The following TDRD9 variants were observed in gnomAD, a reference collection of about 807,000 sequenced individuals.
TDRD9 encodes the protein tudor domain containing 9, also known as ATP-dependent RNA helicase TDRD9.
A neutral mutation model predicts 172.6 loss-of-function variants in TDRD9; 124 were observed. The ratio of observed to expected loss-of-function variants is 0.72; its 90% CI spans 0.62 to 0.83. TDRD9 has a LOEUF of 0.83. TDRD9 is among the 40% of genes least tolerant of loss of function. The pLI is 0.00. For synonymous variants in TDRD9, 619 were observed against 617.1 expected, an observed-to-expected ratio of 1.00 and a Z score of -0.05; for missense variants, 1,479 against 1,714.1, an observed-to-expected ratio of 0.86 and a Z score of 2.42.
intron 1 of TDRD9, chr14:103,941,689 G>T (rs1453209459): frequency 1.3e-5 from 19 of 1,512,510 alleles, no homozygotes; most frequent in Non-Finnish European, 1.7e-5. Context: ...CAGCCAAAAA[G>T]TGGCATTTTT....
At chr14:103,996,073 C>T (rs919226587) in intron 12 of TDRD9, among the ~76,000 whole-genome samples, 8 of 152,120 alleles carry the variant, frequency 5.3e-5, no homozygotes, top group African/African-American at 1.7e-4. Flanking sequence ...GAAACAGCTT[C>T]GGGGCTGCCA....
chr14:103,969,098 T>TAA (rs551879850), intron 5 of TDRD9, among the ~76,000 whole-genome samples: 5 of 91,770 alleles, frequency 5.4e-5, no homozygotes, highest in Admixed American at 1.1e-4. Flanking sequence ...AGACTCTGTG[T>TAA]AAAAAAAAAA....
intron 34 of TDRD9, among the ~76,000 whole-genome samples, chr14:104,045,460 T>C (rs2035744284): frequency 2.0e-5 from 3 of 152,120 alleles, no homozygotes; most frequent in Admixed American, 2.0e-4. Flanking sequence ...CTTTTCATTA[T>C]TGAGTTGTAG....
intron 23 of TDRD9, among the ~76,000 whole-genome samples, chr14:104,021,357 A>G (rs955460500): frequency 6.6e-6 from 1 of 152,116 alleles, no homozygotes; most frequent in Admixed American, 6.6e-5. Context: ...ATCACTTGGC[A>G]ATCAATTTAT....
Position 103,998,687 on chromosome 14 carries a change from G to C in TDRD9, c.1442G>C (p.Arg481Pro). 1 of 1,611,056 alleles carries C rather than the reference G, an allele frequency of 6.2e-7. No homozygotes were observed. Among genetic ancestry groups the C allele is most frequent in the Non-Finnish European group, 8.5e-7 (1 of 1,177,320 alleles). The part of the protein sequence containing the change: ...CDEDTNYQSL[R>P]LSWASKTSCN... ...GAAGATACAAATTATCAGAGTCTGC[G>C]ATTGAGTTGGGCTTCTAAAACCAGC... The change falls in exon 13 of 36, where the codon CGA (arginine) becomes CCA (proline). Residue 481 changes from arginine to proline, a missense_variant. Arg to Pro is a moderately radical substitution (Grantham distance 103). Around this residue, in one of 3 missense-constraint regions of TDRD9, gnomAD observed 1,413 missense variants for 1,649.1 expected, o/e 0.86. Transcript: ENST00000409874.
chr14:103,995,758 G>A lies in TDRD9; in HGVS notation c.1329G>A (p.Leu443=), dbSNP rs776659312. ...TCTTTGATGTTTAACAGATTATTCT[G>A]TCCACCAATATTGCAGAGAGTTCTG... ...SPVPGYRKII[L]STNIAESSVT... Residue 443 remains leucine, a synonymous_variant, in exon 12 of 36, where the codon CTG becomes CTA. Coordinates refer to ENST00000409874, the MANE Select transcript of TDRD9 (RefSeq NM_153046.3). 3 of 1,606,674 alleles carry A rather than the reference G, an allele frequency of 1.9e-6. No individual in the cohort carries two copies. In the African/African-American group the frequency reaches 4.0e-5, roughly 22 times the overall value.
intron 24 of TDRD9, 112 bp downstream of exon 24, chr14:104,022,442 G>C: frequency 2.5e-6 from 3 of 1,179,846 alleles, no homozygotes; most frequent in Non-Finnish European, 3.6e-6. Context: ...AAAAGCACTG[G>C]CTTGGCTGGG....
intron 20 of TDRD9, among the ~76,000 whole-genome samples, chr14:104,013,367 A>C (rs747602390): frequency 1.4e-4 from 21 of 152,158 alleles, no homozygotes; most frequent in African/African-American, 3.1e-4. Context: ...GCCATAGGTC[A>C]CTTACTTTGT....
In TDRD9 at chr14:104,052,310, T is replaced by A. The variant is rs2035957766; in HGVS notation, c.*228T>A. 2.9e-6 allele frequency: 1 copy of A among 342,078 alleles called. No individual in the cohort carries two copies. Among genetic ancestry groups the A allele is most frequent in the African/African-American group, 2.1e-5 (1 of 48,210 alleles). The allele number at this position is 342,078 out of a possible 1,614,324, so 21.2% of individuals were successfully genotyped here. ...TCTAGTCTTTTCTAGAAACAGAAAA[T>A]CACTGTATTAAATATTTTGGAAAGA... On this transcript the variant is annotated 3_prime_UTR_variant, in exon 36 of 36. Transcript: ENST00000409874.
intron 34 of TDRD9, among the ~76,000 whole-genome samples, chr14:104,042,741 C>T (rs2035646470): frequency 6.6e-6 from 1 of 152,124 alleles, no homozygotes; most frequent in Non-Finnish European, 1.5e-5. Flanking sequence ...CAGCATTCCA[C>T]CTACCCAGTC....
chr14:104,004,466 C>T, intron 14 of TDRD9, 131 bp downstream of exon 14: 1 of 495,392 alleles, frequency 2.0e-6, no homozygotes, highest in East Asian at 3.3e-5. Flanking sequence ...CTGCAATCTG[C>T]CTCCCGGGTT....
At chr14:104,022,533 C>A (rs2034989601) in intron 24 of TDRD9, among the ~76,000 whole-genome samples, 1 of 152,134 alleles carries the variant, frequency 6.6e-6, no homozygotes, top group African/African-American at 2.4e-5. Flanking sequence ...TTGAGACCAG[C>A]CTCGCCAACA....
At chr14:103,952,181 C>CTTGT (rs2031918949) in intron 1 of TDRD9, among the ~76,000 whole-genome samples, 1 of 47,238 alleles carries the variant, frequency 2.1e-5, no homozygotes, top group Non-Finnish European at 4.1e-5. Context: ...TATGTGTGTG[C>CTTGT]GTGTGTGTGT....
chr14:103,995,233 C>T (rs2034016082), intron 11 of TDRD9, among the ~76,000 whole-genome samples: 1 of 152,180 alleles, frequency 6.6e-6, no homozygotes, highest in Admixed American at 6.5e-5. Context: ...CTAGGTCCTG[C>T]TTCAGGAGGA....
At chr14:104,022,537 G>A (rs997595322) in intron 24 of TDRD9, among the ~76,000 whole-genome samples, 3 of 152,020 alleles carry the variant, frequency 2.0e-5, no homozygotes, top group African/African-American at 2.4e-5. Flanking sequence ...GACCAGCCTC[G>A]CCAACATGAT....
chr14:103,952,725 CTCTCTTTT>C (rs1377230514), intron 1 of TDRD9, among the ~76,000 whole-genome samples: 1 of 104,134 alleles, frequency 9.6e-6, no homozygotes, highest in Non-Finnish European at 1.9e-5. Flanking sequence ...TAGGAATTCT[CTCTCTTTT>C]TTTTTTTTTT....
At chr14:103,934,888 G>C (rs1328936239) in intron 1 of TDRD9, among the ~76,000 whole-genome samples, 1 of 152,214 alleles carries the variant, frequency 6.6e-6, no homozygotes, top group Non-Finnish European at 1.5e-5. Flanking sequence ...CCAGATATTT[G>C]GTCAGACACT....
chr14:103,999,197 G>C (rs2034169505), intron 13 of TDRD9, among the ~76,000 whole-genome samples: 1 of 152,174 alleles, frequency 6.6e-6, no homozygotes, highest in South Asian at 2.1e-4. Flanking sequence ...CATATTGTCA[G>C]AGTGTCCATT....
At chr14:104,020,461 G>A (rs1347922042) in intron 23 of TDRD9, among the ~76,000 whole-genome samples, 2 of 152,176 alleles carry the variant, frequency 1.3e-5, no homozygotes, top group African/African-American at 4.8e-5. Flanking sequence ...TGGGGAGGAT[G>A]CAGCTTCGAG....
Sources: gnomAD v4.1 joint callset for allele counts (sites outside exome capture counted in the v4.1 genomes callset) on GRCh38, gnomAD v4.1.1 for gene constraint, gnomAD v4.1.1 regional missense constraint, MANE v1.5 for transcripts, NCBI Gene and HGNC (gene_info 2026-07-23, HGNC 2026-07-21) for gene names.